The following KDM4C variants were observed in gnomAD, a reference collection of about 807,000 sequenced individuals.
The protein encoded by KDM4C is lysine demethylase 4C.
KDM4C carries 81 observed loss-of-function variants against 129.3 expected under a neutral mutation model. That is an observed-to-expected ratio of 0.63 (90% CI 0.52 to 0.75). The LOEUF (loss-of-function observed/expected upper bound fraction) is 0.75. Ranked by LOEUF, KDM4C falls within the 30% of genes least tolerant of loss-of-function variation. KDM4C has a pLI of 0.00. For missense variants in KDM4C, 1,457 were observed against 1,304.0 expected (o/e 1.12, Z -1.81); for synonymous variants, 573 against 456.1 (o/e 1.26, Z -3.26).
intron 4 of KDM4C, among the ~76,000 whole-genome samples, chr9:6,836,559 C>G (rs535699075): frequency 1.3e-5 from 2 of 152,110 alleles, no homozygotes; most frequent in Admixed American, 1.3e-4. Flanking sequence ...GCTATGCCAC[C>G]CCCATCACTC....
rs112498727 is a variant in KDM4C, at chr9:6,993,128, C to T, written c.1786+2604C>T. On this transcript the variant is annotated intron_variant, in intron 12 of 21. Coordinates refer to ENST00000381309, the MANE Select transcript of KDM4C (RefSeq NM_015061.6). ...TCGTGACTCCTAGCCTGTTATTTTC[C>T]GGGAAAAGATTTTCCATGTTGAACA... Among the ~76,000 whole-genome samples the T allele has an allele frequency of 3.2e-3, 482 of 152,120 alleles. 2 individuals are homozygous for T. The highest frequency in any genetic ancestry group is 5.0e-3 in the Non-Finnish European group (340 of 67,990).
chr9:6,732,294 A>G (rs200628433), intron 1 of KDM4C, among the ~76,000 whole-genome samples: 30 of 137,336 alleles, frequency 2.2e-4, no homozygotes, highest in East Asian at 2.4e-4. Context: ...GAACCCGGGA[A>G]GCGGAGGTTG....
intron 5 of KDM4C, among the ~76,000 whole-genome samples, chr9:6,854,981 T>C (rs1317469379): frequency 6.6e-6 from 1 of 152,210 alleles, no homozygotes; most frequent in Admixed American, 6.5e-5. Context: ...ACCCACCTTG[T>C]AAGGCAATTG....
At chr9:6,946,908 A>G (rs1288567367) in intron 8 of KDM4C, among the ~76,000 whole-genome samples, 1 of 151,842 alleles carries the variant, frequency 6.6e-6, no homozygotes, top group African/African-American at 2.4e-5. Flanking sequence ...TTTATCTCTA[A>G]ACTCAAAATA....
At position 6,947,062 on chromosome 9, in the gene KDM4C, C is replaced by T. The variant is rs144448844; in HGVS notation, c.922-33863C>T. Among the ~76,000 whole-genome samples the T allele has an allele frequency of 4.1e-3, 630 of 152,152 alleles. 3 individuals carry two copies. The highest frequency in any genetic ancestry group is 0.014 in the African/African-American group (571 of 41,546). ...GTTTAACAGAATCAAATGAAAATGT[C>T]GTACTTTTGTAAATTAACAAAAACA... On this transcript the variant is annotated intron_variant, in intron 8 of 21. Coordinates refer to ENST00000381309, the MANE Select transcript of KDM4C (RefSeq NM_015061.6).
At position 6,980,927 on chromosome 9, in the gene KDM4C, C is replaced by T. The variant is rs764650424; in HGVS notation, c.924C>T (p.Cys308=). 8.1e-6 allele frequency: 13 copies of T among 1,613,390 alleles called. No homozygotes were observed. In the South Asian group the frequency reaches 1.1e-4, roughly 14 times the overall value. The change falls in exon 9 of 22, where the codon TGC becomes TGT. Residue 308 remains cysteine (C), a splice_region_variant and synonymous_variant. Coordinates refer to ENST00000381309, the MANE Select transcript of KDM4C (RefSeq NM_015061.6). The part of the protein sequence containing the change: ...WIDYGKVAKL[C]TCRKDMVKIS... ...TCTCCAACCCGGTTGTGTTTCAGTG[C>T]ACTTGCAGGAAAGACATGGTGAAGA...
chr9:6,943,535 C>T (rs1826339144), intron 8 of KDM4C, among the ~76,000 whole-genome samples: 1 of 152,106 alleles, frequency 6.6e-6, no homozygotes, highest in African/African-American at 2.4e-5. Flanking sequence ...GTTAGCTGAG[C>T]ATGGTGGCGT....
chr9:6,721,547 G>A lies in KDM4C; in HGVS notation c.49+550G>A, dbSNP rs143878941. ...GACCTACCCGTCTCGGCCTCCCAAA[G>A]TGCTGGGATTACAGGCATGAGCCAC... On this transcript the variant is annotated intron_variant, in intron 1 of 17. Coordinates refer to the KDM4C transcript ENST00000536108. Among the ~76,000 whole-genome samples the A allele has an allele frequency of 5.2e-3, 786 of 150,080 alleles. 7 individuals are homozygous for A. The highest frequency in any genetic ancestry group is 0.018 in the African/African-American group (744 of 40,828).
At chr9:7,105,811 C>G (rs2133173173) in intron 18 of KDM4C, among the ~76,000 whole-genome samples, 1 of 152,248 alleles carries the variant, frequency 6.6e-6, no homozygotes, top group East Asian at 1.9e-4. Flanking sequence ...TCTTAACTCT[C>G]ATGTGTGGTT....
chr9:6,911,833 CG>C (rs1819373663), intron 8 of KDM4C, among the ~76,000 whole-genome samples: 1 of 152,054 alleles, frequency 6.6e-6, no homozygotes, highest in African/African-American at 2.4e-5. Flanking sequence ...TGCTGGGGCT[CG>C]GGGAGGTGGC....
In KDM4C at chr9:6,857,945, TTA is replaced by T. The variant is rs1491132720; in HGVS notation, c.629+8246_629+8247del. ...AAGTTTTTTTTTTTTTTTTTTTTTT[TTA>T]GAGATGGGGTTTTGCTATGTTGCCC... On this transcript the variant is annotated intron_variant, in intron 5 of 21. Transcript: ENST00000381309. Among the ~76,000 whole-genome samples, 951 of 144,224 alleles carry T rather than the reference TTA, an allele frequency of 6.6e-3. 8 individuals carry two copies. The highest frequency in any genetic ancestry group is 0.011 in the Non-Finnish European group (708 of 64,884). The allele number at this position is 144,224 out of a possible 152,430, so 94.6% of individuals were successfully genotyped here. A position where few individuals can be genotyped will look rare whatever the true frequency, so the allele number is the denominator to read the frequency against.
chr9:6,909,793 C>A (rs979767410), intron 8 of KDM4C, among the ~76,000 whole-genome samples: 3 of 151,850 alleles, frequency 2.0e-5, no homozygotes, highest in Non-Finnish European at 2.9e-5. Flanking sequence ...CTAAAAAATT[C>A]TTAAAAAAAT....
chr9:6,982,194 A>G (rs1336490000), intron 9 of KDM4C: 1 of 150,462 alleles, frequency 6.6e-6, no homozygotes, highest in Non-Finnish European at 1.5e-5. Context: ...CTTTGCCCAG[A>G]CTTATGATGC....
At chr9:6,852,765 G>C (rs1839084907) in intron 5 of KDM4C, among the ~76,000 whole-genome samples, 1 of 152,144 alleles carries the variant, frequency 6.6e-6, no homozygotes, top group Non-Finnish European at 1.5e-5. Flanking sequence ...ACCAGGCTCT[G>C]GATGGGATTA....
At chr9:7,170,706 A>T (rs905662591) in intron 21 of KDM4C, 52 of 976,956 alleles carry the variant, frequency 5.3e-5, no homozygotes, top group Non-Finnish European at 5.2e-5. Flanking sequence ...CTAAAATGAA[A>T]TTTTTTTTCT....
chr9:6,754,075 C>T (rs551011701), upstream of KDM4C, among the ~76,000 whole-genome samples: 4 of 151,748 alleles, frequency 2.6e-5, no homozygotes, highest in South Asian at 2.1e-4. Context: ...AGGGTTTCAC[C>T]GTGCTAGCCA....
intron 15 of KDM4C, among the ~76,000 whole-genome samples, chr9:7,024,124 C>G (rs116026941): frequency 6.6e-6 from 1 of 152,058 alleles, no homozygotes; most frequent in Non-Finnish European, 1.5e-5. Context: ...ATGAAATGTT[C>G]TGTAAATATC....
At chr9:7,134,900 T>TAAACTAG (rs1841028725) in intron 19 of KDM4C, among the ~76,000 whole-genome samples, 1 of 152,198 alleles carries the variant, frequency 6.6e-6, no homozygotes, top group Non-Finnish European at 1.5e-5. Flanking sequence ...CCTTGTGCCT[T>TAAACTAG]TCACTGGGGT....
At chr9:6,812,884 A>G (rs1382057617) in intron 3 of KDM4C, among the ~76,000 whole-genome samples, 3 of 152,180 alleles carry the variant, frequency 2.0e-5, no homozygotes, top group Non-Finnish European at 4.4e-5. Flanking sequence ...TTTATTAAAA[A>G]CATTTTTAAG....
Sources: gnomAD v4.1 joint callset for allele counts (sites outside exome capture counted in the v4.1 genomes callset) on GRCh38, gnomAD v4.1.1 for gene constraint, MANE v1.5 for transcripts, NCBI Gene and HGNC (gene_info 2026-07-23, HGNC 2026-07-21) for gene names.